The following DAB1 variants were observed in gnomAD, a reference collection of about 807,000 sequenced individuals.
DAB1 encodes the protein DAB adaptor protein 1.
Under a neutral mutation model 64.6 loss-of-function variants are expected in DAB1, and 15 were observed. The ratio of observed to expected loss-of-function variants is 0.23; its 90% CI spans 0.16 to 0.36. The LOEUF is 0.36. DAB1 is among the 10% of genes least tolerant of loss of function. The probability of loss-of-function intolerance (pLI) is 1.00; values close to 1 mark genes in which losing one functional copy is unlikely to be tolerated. For missense variants in DAB1, 596 were observed against 706.7 expected, an observed-to-expected ratio of 0.84 and a Z score of 1.78; for synonymous variants, 235 against 251.9, an observed-to-expected ratio of 0.93 and a Z score of 0.64.
chr1:57,157,530 CTG>C (rs775421173), intron 2 of DAB1, among the ~76,000 whole-genome samples: 5 of 152,044 alleles, frequency 3.3e-5, no homozygotes, highest in Non-Finnish European at 7.3e-5. Context: ...CACTGTCTCA[CTG>C]TGTGCTCAGA....
At chr1:57,011,040 G>C in intron 13 of DAB1, 105 bp downstream of exon 13, 5 of 1,440,004 alleles carry the variant, frequency 3.5e-6, no homozygotes, top group Non-Finnish European at 3.8e-6. Flanking sequence ...ATGAGATTGA[G>C]CCAGCATTCT....
At chr1:58,025,651 G>GTGTGTATATATA (rs1264790564) in intron 5 of DAB1, among the ~76,000 whole-genome samples, 1 of 75,292 alleles carries the variant, frequency 1.3e-5, no homozygotes, top group Non-Finnish European at 3.1e-5. Context: ...ATATATGTGT[G>GTGTGTATATATA]TATATATATA....
intron 1 of DAB1, among the ~76,000 whole-genome samples, chr1:57,317,408 T>A (rs1675304780): frequency 6.6e-6 from 1 of 152,224 alleles, no homozygotes; most frequent in Non-Finnish European, 1.5e-5. Context: ...TAGAGTAATT[T>A]GTTATGCAGC....
At chr1:57,840,062 G>A (rs1349967921) in intron 1 of DAB1, among the ~76,000 whole-genome samples, 2 of 152,166 alleles carry the variant, frequency 1.3e-5, no homozygotes, top group African/African-American at 2.4e-5. Flanking sequence ...TCAAAATTCT[G>A]CCTCCAGAAA....
chr1:57,452,160 C>CT lies in DAB1; in HGVS notation n.626-160995_626-160994insA, dbSNP rs943230251. 9.2e-5 allele frequency among the ~76,000 whole-genome samples: 9 copies of CT among 98,074 alleles called. 1 individual carries two copies. The highest frequency in any genetic ancestry group is 3.4e-4 in the African/African-American group (8 of 23,774). 64.3% of individuals were successfully genotyped at this position (98,074 alleles called of 152,430 possible). On this transcript the variant is annotated intron_variant and non_coding_transcript_variant, in intron 7 of 20. Transcript: ENST00000485760. ...GCTTAGGATTTAGTCTCTCTCTGCA[C>CT]CCCCCCTTTTTTTTTTTTTTTTTTT...
intron 5 of DAB1, among the ~76,000 whole-genome samples, chr1:57,903,239 CG>C (rs1644502226): frequency 6.6e-6 from 1 of 152,094 alleles, no homozygotes; most frequent in Non-Finnish European, 1.5e-5. Context: ...CTATCAGCAT[CG>C]GTTGTTAATA....
intron 4 of DAB1, among the ~76,000 whole-genome samples, chr1:58,263,436 G>A (rs1200361387): frequency 1.3e-5 from 2 of 151,964 alleles, no homozygotes; most frequent in Non-Finnish European, 1.5e-5. Flanking sequence ...GTTCATCTCA[G>A]GGCAAAAAGG....
intron 2 of DAB1, among the ~76,000 whole-genome samples, chr1:57,150,172 AG>A (rs1166943195): frequency 2.0e-5 from 3 of 152,226 alleles, no homozygotes; most frequent in Non-Finnish European, 4.4e-5. Flanking sequence ...TAAGCAGTTA[AG>A]TATAGATACT....
chr1:57,763,238 T>G (rs1649162045), intron 6 of DAB1, among the ~76,000 whole-genome samples: 1 of 152,180 alleles, frequency 6.6e-6, no homozygotes, highest in Non-Finnish European at 1.5e-5. Flanking sequence ...CGACAGAGAA[T>G]GCAAAGTATA....
intron 1 of DAB1, among the ~76,000 whole-genome samples, chr1:57,851,951 C>T (rs1402057281): frequency 6.6e-6 from 1 of 152,198 alleles, no homozygotes; most frequent in Non-Finnish European, 1.5e-5. Flanking sequence ...CACCTCTTTG[C>T]TCCCTTGGGG....
intron 1 of DAB1, among the ~76,000 whole-genome samples, chr1:57,311,920 C>T (rs1306963236): frequency 2.6e-5 from 4 of 152,236 alleles, no homozygotes; most frequent in South Asian, 2.1e-4. Flanking sequence ...TAATCCCTGG[C>T]GCTAAACGTT....
At chr1:57,782,885 T>G (rs2101846840) in intron 6 of DAB1, among the ~76,000 whole-genome samples, 1 of 152,084 alleles carries the variant, frequency 6.6e-6, no homozygotes, top group South Asian at 2.1e-4. Context: ...TGCGATGGGG[T>G]TTAGAAACAA....
intron 3 of DAB1, among the ~76,000 whole-genome samples, chr1:58,472,875 A>C (rs1645375114): frequency 1.3e-5 from 2 of 152,098 alleles, no homozygotes; most frequent in African/African-American, 4.8e-5. Flanking sequence ...CACGTGTGGA[A>C]GTAGGTGGAG....
intron 1 of DAB1, among the ~76,000 whole-genome samples, chr1:57,303,727 T>C (rs1035482213): frequency 6.6e-6 from 1 of 151,784 alleles, no homozygotes; most frequent in Non-Finnish European, 1.5e-5. Flanking sequence ...TCAGTAGAAG[T>C]AGAAACTGAA....
intron 7 of DAB1, among the ~76,000 whole-genome samples, chr1:57,586,578 G>A (rs148211494): frequency 8.6e-5 from 13 of 151,100 alleles, no homozygotes; most frequent in East Asian, 3.9e-4. Flanking sequence ...AAAGATTTTC[G>A]TCATACACAT....
chr1:57,619,175 G>T (rs748900710), intron 7 of DAB1, among the ~76,000 whole-genome samples: 9 of 152,146 alleles, frequency 5.9e-5, no homozygotes, highest in Non-Finnish European at 8.8e-5. Context: ...ACAGGAATAT[G>T]ATGGGTAGCA....
At chr1:57,168,168 T>C (rs1168560648) in intron 2 of DAB1, among the ~76,000 whole-genome samples, 2 of 152,224 alleles carry the variant, frequency 1.3e-5, no homozygotes, top group Non-Finnish European at 1.5e-5. Flanking sequence ...ACAAGATTAC[T>C]CTTCAGAGAG....
intron 1 of DAB1, among the ~76,000 whole-genome samples, chr1:57,393,667 G>A (rs1047297976): frequency 6.6e-6 from 1 of 152,126 alleles, no homozygotes; most frequent in Non-Finnish European, 1.5e-5. Flanking sequence ...CTCAAAAAAT[G>A]AAAATCAAAA....
At chr1:57,560,825 GCAAGGCTCTGA>G (rs918095495) in intron 7 of DAB1, among the ~76,000 whole-genome samples, 1 of 152,192 alleles carries the variant, frequency 6.6e-6, no homozygotes, top group Admixed American at 6.5e-5. Context: ...GGATTTTGGA[GCAAGGCTCTGA>G]CATCTTCTTC....
Sources: gnomAD v4.1 joint callset for allele counts (sites outside exome capture counted in the v4.1 genomes callset) on GRCh38, gnomAD v4.1.1 for gene constraint, MANE v1.5 for transcripts, NCBI Gene and HGNC (gene_info 2026-07-23, HGNC 2026-07-21) for gene names.